Variants in WAC observed in about 807,000 individuals in gnomAD.
WAC encodes WW domain-containing adapter protein with coiled-coil.
A neutral mutation model predicts 79.6 loss-of-function variants in WAC; 11 were observed. The ratio of observed to expected loss-of-function variants is 0.14; its 90% CI spans 0.09 to 0.23. The LOEUF (loss-of-function observed/expected upper bound fraction) is 0.23, where lower values mean the gene tolerates loss of function less well. Among genes scored for constraint, WAC ranks in the 10% least tolerant of loss-of-function variants. The pLI, the probability that WAC is intolerant of heterozygous loss-of-function variation, is 1.00. For synonymous variants in WAC, 304 were observed against 276.9 expected (o/e 1.10, Z -0.97); for missense variants, 728 against 773.5 (o/e 0.94, Z 0.70).
chr10:28,604,684 C>T (rs1840847653), intron 7 of WAC, among the ~76,000 whole-genome samples: 1 of 152,160 alleles, frequency 6.6e-6, no homozygotes, highest in Non-Finnish European at 1.5e-5. Context: ...CACGCCACTG[C>T]GCTCCGGCCT....
At chr10:28,598,823 C>G (rs1254533845) in intron 7 of WAC, among the ~76,000 whole-genome samples, 1 of 152,178 alleles carries the variant, frequency 6.6e-6, no homozygotes, top group Non-Finnish European at 1.5e-5. Flanking sequence ...AGTGTGTTTG[C>G]TAATCACAAG....
intron 7 of WAC, among the ~76,000 whole-genome samples, chr10:28,596,743 A>G (rs964929663): frequency 1.3e-5 from 2 of 152,218 alleles, no homozygotes; most frequent in Non-Finnish European, 2.9e-5. Flanking sequence ...GGAAATTAAA[A>G]TGTAGTAAAT....
At chr10:28,616,566 G>A (rs1432336751) in intron 12 of WAC, among the ~76,000 whole-genome samples, 2 of 152,192 alleles carry the variant, frequency 1.3e-5, no homozygotes, top group Non-Finnish European at 2.9e-5. Context: ...TATAGGCACT[G>A]TTGTCAAGTA....
chr10:28,542,080 C>T (rs1014280776), intron 3 of WAC, among the ~76,000 whole-genome samples: 1 of 151,734 alleles, frequency 6.6e-6, no homozygotes, highest in African/African-American at 2.4e-5. Context: ...GTTTGTGCTA[C>T]TCTCTCCATA....
chr10:28,583,333 A>G, intron 3 of WAC, 66 bp from the exon 4 acceptor site: 1 of 1,209,660 alleles, frequency 8.3e-7, no homozygotes, highest in Non-Finnish European at 1.2e-6. Context: ...GTATGATAGA[A>G]AACAGTTTAG....
chr10:28,539,351 C>T (rs184467431), intron 3 of WAC, among the ~76,000 whole-genome samples: 219 of 152,062 alleles, frequency 1.4e-3, no homozygotes, highest in African/African-American at 5.0e-3. Context: ...TGTAACATAG[C>T]GTGTATAGTT....
At chr10:28,553,793 C>G (rs1837835292) in intron 3 of WAC, among the ~76,000 whole-genome samples, 1 of 152,140 alleles carries the variant, frequency 6.6e-6, no homozygotes, top group Non-Finnish European at 1.5e-5. Context: ...TGAACATGTA[C>G]AGACTTCTTT....
chr10:28,580,284 T>C (rs1313533911), intron 3 of WAC, among the ~76,000 whole-genome samples: 1 of 152,214 alleles, frequency 6.6e-6, no homozygotes, highest in Admixed American at 6.5e-5. Flanking sequence ...ATACCATTTC[T>C]TTAGAGGTAT....
chr10:28,590,794 T>C lies in WAC; in HGVS notation c.572T>C (p.Val191Ala). Residue 191 changes from valine to alanine, a missense_variant, in exon 6 of 14, where the codon GTG becomes GCG. Transcript: ENST00000354911. ...AAAGATAGGGATTACAGAAGAGAGG[T>C]GATGCAAGCAACAGCCACTAGTGGG... is the stretch of plus-strand genomic sequence containing the variant. Reference protein sequence around the residue: ...FPKDRDYRREVMQATATSGFA... With the variant: ...FPKDRDYRREAMQATATSGFA... 1 of 1,611,320 alleles carries C rather than the reference T, an allele frequency of 6.2e-7. No homozygotes were observed. The highest frequency in any genetic ancestry group is 1.3e-5 in the African/African-American group (1 of 74,724).
chr10:28,547,523 G>T (rs1347763423), intron 3 of WAC, among the ~76,000 whole-genome samples: 1 of 150,688 alleles, frequency 6.6e-6, no homozygotes, highest in African/African-American at 2.4e-5. Flanking sequence ...CAACAAGAGT[G>T]AGACTCCATC....
At chr10:28,533,755 C>T (rs1246313663) in intron 1 of WAC, 135 bp downstream of exon 1, 3 of 693,158 alleles carry the variant, frequency 4.3e-6, no homozygotes, top group African/African-American at 4.0e-5. Context: ...GGAGGAGGAG[C>T]GGCCGCGCGG....
intron 3 of WAC, among the ~76,000 whole-genome samples, chr10:28,579,687 A>G (rs1260614725): frequency 6.7e-6 from 1 of 150,186 alleles, no homozygotes; most frequent in African/African-American, 2.5e-5. Flanking sequence ...GGATGTGCAC[A>G]ATCAGTTTGT....
intron 3 of WAC, among the ~76,000 whole-genome samples, chr10:28,563,908 G>A (rs1838448891): frequency 6.6e-6 from 1 of 151,824 alleles, no homozygotes; most frequent in South Asian, 2.1e-4. Context: ...TTAGTATACA[G>A]TATTTTTAAC....
intron 3 of WAC, among the ~76,000 whole-genome samples, chr10:28,576,281 T>C (rs1429783181): frequency 6.6e-6 from 1 of 152,208 alleles, no homozygotes; most frequent in Non-Finnish European, 1.5e-5. Flanking sequence ...GCTAAAAATA[T>C]GTAGCCATAT....
At chr10:28,579,534 AAG>A (rs1839426833) in intron 3 of WAC, among the ~76,000 whole-genome samples, 1 of 152,174 alleles carries the variant, frequency 6.6e-6, no homozygotes, top group Non-Finnish European at 1.5e-5. Context: ...ATTATAATAA[AAG>A]AAATCTAAAA....
At chr10:28,535,850 C>T (rs1310816045) in intron 3 of WAC, 93 bp downstream of exon 3, 14 of 1,092,494 alleles carry the variant, frequency 1.3e-5, no homozygotes, top group Non-Finnish European at 1.7e-5. Context: ...GAAGAAGTTA[C>T]TGTTCAGTTA....
At chr10:28,557,672 A>T (rs1838069395) in intron 3 of WAC, among the ~76,000 whole-genome samples, 2 of 151,568 alleles carry the variant, frequency 1.3e-5, no homozygotes, top group Admixed American at 6.6e-5. Context: ...CCAGCCTGGG[A>T]GACAGAATGA....
At chr10:28,593,979 G>T (rs967783125) in intron 6 of WAC, among the ~76,000 whole-genome samples, 2 of 152,014 alleles carry the variant, frequency 1.3e-5, no homozygotes, top group African/African-American at 4.8e-5. Flanking sequence ...AGGTTGTTGA[G>T]CACCATAACT....
rs373044212 is a variant in WAC at position 28,535,820 on chromosome 10, G to A, written c.274+63G>A. 1.8e-4 allele frequency: 247 copies of A among 1,364,220 alleles called. 1 individual carries two copies. The South Asian group carries it at 3.3e-3, about 18-fold the overall frequency. The allele number at this position is 1,364,220 out of a possible 1,614,324, so 84.5% of individuals were successfully genotyped here. A position where few individuals can be genotyped will look rare whatever the true frequency, so the allele number is the denominator to read the frequency against. ...TTAACAATAGCTCTATATAAAAGGCGGCAGTAGTATTTCTAGCTTGAAGAA... is the reference window on the plus strand; with the variant it reads ...TTAACAATAGCTCTATATAAAAGGCAGCAGTAGTATTTCTAGCTTGAAGAA... On this transcript the variant is annotated intron_variant, in intron 3 of 13. Transcript: ENST00000354911.
Sources: gnomAD v4.1 joint callset for allele counts (sites outside exome capture counted in the v4.1 genomes callset) on GRCh38, gnomAD v4.1.1 for gene constraint, MANE v1.5 for transcripts, NCBI Gene and HGNC (gene_info 2026-07-23, HGNC 2026-07-21) for gene names.